RRM2: variants seen among roughly 807,000 people sequenced by gnomAD.
The protein encoded by RRM2 is ribonucleoside-diphosphate reductase subunit M2.
A neutral mutation model predicts 45.9 loss-of-function variants in RRM2; 6 were observed. The ratio of observed to expected loss-of-function variants is 0.13; its 90% CI spans 0.07 to 0.26. RRM2 has a LOEUF of 0.26. Ranked by LOEUF, RRM2 falls within the 10% of genes least tolerant of loss-of-function variation. RRM2 has a pLI of 1.00. For missense variants in RRM2, 343 were observed against 489.5 expected (o/e 0.70, Z 2.82); for synonymous variants, 177 against 173.0 (o/e 1.02, Z -0.18).
Position 10,169,751 on chromosome 2 carries a change from G to C in RRM2, n.482+27376G>C, listed in dbSNP as rs1420083201. The stretch of plus-strand genomic sequence containing the variant: ...GTTTGGAGAGCTGGCCTCCGCACTG[G>C]GCTTCCTGAGGACGGGAGCAGGAGC... On this transcript the variant is annotated intron_variant and non_coding_transcript_variant, in intron 3 of 3. Coordinates refer to the RRM2 transcript ENST00000381786. This position sits in a 1 kb window ranked among gnomAD's most constrained non-coding sequence, Gnocchi z 5.1. Among the ~76,000 whole-genome samples, 4 of 152,264 alleles carry C rather than the reference G, an allele frequency of 2.6e-5. No homozygotes were observed. In the East Asian group the frequency reaches 5.8e-4, roughly 22 times the overall value.
Position 10,205,980 on chromosome 2 carries a change from A to G in RRM2, n.483-4331A>G, listed in dbSNP as rs1451062735. Among the ~76,000 whole-genome samples, 1 of 152,140 alleles carries G rather than the reference A, an allele frequency of 6.6e-6. No individual in the cohort carries two copies. The highest frequency in any genetic ancestry group is 1.9e-4 in the East Asian group (1 of 5,146). On this transcript the variant is annotated intron_variant and non_coding_transcript_variant, in intron 3 of 3. Coordinates refer to the RRM2 transcript ENST00000381786. The surrounding 1 kb of genome is among the most constrained non-coding windows in gnomAD (Gnocchi z 4.8). ...AGTTCTGGGATTACAGGCATGAGCC[A>G]CTGCGCCTGGCCAAGAGGGTGTCTG...
chr2:10,148,320 G>C (rs958754962), intron 3 of RRM2, among the ~76,000 whole-genome samples: 1 of 151,850 alleles, frequency 6.6e-6, no homozygotes, highest in Non-Finnish European at 1.5e-5. Flanking sequence ...CTCACTGTCA[G>C]TTCTCTTGCT....
Position 10,129,827 on chromosome 2 carries a change from TTC to T in RRM2, c.*443_*444del, listed in dbSNP as rs1490540373. On this transcript the variant is annotated 3_prime_UTR_variant, in exon 10 of 10. Transcript: ENST00000304567. The surrounding 1 kb of genome is among the most constrained non-coding windows in gnomAD (Gnocchi z 4.8). ...GCGATAATAGCTTGATTTATTTGGT[TTC>T]TACACCAAATACATTCTCCTGACCA... is the stretch of plus-strand genomic sequence containing the variant. 1.3e-5 allele frequency: 2 copies of T among 156,146 alleles called. No individual in the cohort carries two copies. The highest frequency in any genetic ancestry group is 4.8e-5 in the African/African-American group (2 of 41,586). The allele number at this position is 156,146 out of a possible 1,614,324, so 9.7% of individuals were successfully genotyped here.
chr2:10,129,688 A>C lies in RRM2; in HGVS notation c.*302A>C. The C allele has an allele frequency of 3.4e-6, 1 of 296,080 alleles. No individual in the cohort carries two copies. The highest frequency in any genetic ancestry group is 6.2e-6 in the Non-Finnish European group (1 of 160,068). The allele number at this position is 296,080 out of a possible 1,614,324, so 18.3% of individuals were successfully genotyped here. ...CACAGCGGGATTAAACAGTCCTTTA[A>C]CCAGCACAGCCAGTTAAAAGATGCA... On this transcript the variant is annotated 3_prime_UTR_variant, in exon 10 of 10. Coordinates refer to ENST00000304567, the MANE Select transcript of RRM2 (RefSeq NM_001034.4). This position sits in a 1 kb window ranked among gnomAD's most constrained non-coding sequence, Gnocchi z 4.8.
chr2:10,206,317 A>G (rs546513625), intron 3 of RRM2, among the ~76,000 whole-genome samples: 42 of 152,242 alleles, frequency 2.8e-4, no homozygotes, highest in Non-Finnish European at 4.9e-4. Flanking sequence ...GTATTTATGC[A>G]CAAGAAATGA....
chr2:10,124,581 A>G, intron 4 of RRM2, 136 bp from the exon 5 acceptor site: 2 of 933,396 alleles, frequency 2.1e-6, no homozygotes, highest in Non-Finnish European at 3.2e-6. Flanking sequence ...ATATCAAAGA[A>G]TTGTGACAAA....
intron 3 of RRM2, among the ~76,000 whole-genome samples, chr2:10,143,148 C>G (rs1188597352): frequency 1.3e-5 from 2 of 152,376 alleles, no homozygotes; most frequent in East Asian, 3.9e-4. Context: ...GCCGGGATTA[C>G]AGGCGTGAGC....
intron 2 of RRM2, 54 bp from the exon 3 acceptor site, chr2:10,123,333 T>A: frequency 5.2e-6 from 8 of 1,543,558 alleles, no homozygotes; most frequent in Non-Finnish European, 7.0e-6. Flanking sequence ...CAGAAAAACG[T>A]TAGTTTCATA....
At chr2:10,151,315 G>T (rs112259149) in intron 3 of RRM2, among the ~76,000 whole-genome samples, 536 of 11,026 alleles carry the variant, frequency 0.049, 115 homozygotes, top group Middle Eastern at 0.12. Context: ...TTTTTTTTTT[G>T]TAGACAGAGT....
chr2:10,196,632 C>T (rs1007218326), intron 3 of RRM2, among the ~76,000 whole-genome samples: 7 of 151,024 alleles, frequency 4.6e-5, no homozygotes, highest in African/African-American at 9.8e-5. Context: ...GGCCGGGCTC[C>T]GGGGATGGAC....
At chr2:10,133,608 A>G (rs718215), downstream of RRM2, among the ~76,000 whole-genome samples, 114,006 of 152,042 alleles carry the variant, frequency 0.75, 44,048 homozygotes, top group African/African-American at 0.92. Context: ...GTCCCTGAGT[A>G]TAGAGGGGCT....
rs72786664 is a variant in RRM2, at chr2:10,127,339, G to A, written c.798+119G>A. The A allele has an allele frequency of 2.8e-3, 2,791 of 982,540 alleles. 6 individuals carry two copies. The highest frequency in any genetic ancestry group is 3.7e-3 in the Non-Finnish European group (2,446 of 668,228). The allele number at this position is 982,540 out of a possible 1,614,324, so 60.9% of individuals were successfully genotyped here. On this transcript the variant is annotated intron_variant, in intron 7 of 9. Coordinates refer to ENST00000304567, the MANE Select transcript of RRM2 (RefSeq NM_001034.4). This position sits in a 1 kb window ranked among gnomAD's most constrained non-coding sequence, Gnocchi z 4.1. ...GCATATATCCACATTTAATGTGTGA[G>A]TTCAACCATACACATACTTGACAAA...
intron 2 of RRM2, chr2:10,142,096 T>C: frequency 1.3e-6 from 2 of 1,586,672 alleles, no homozygotes; most frequent in Non-Finnish European, 1.7e-6. Flanking sequence ...GGAAAGCATG[T>C]TTCAGGCGGA....
intron 3 of RRM2, among the ~76,000 whole-genome samples, chr2:10,180,557 C>A (rs962000329): frequency 4.6e-5 from 7 of 152,174 alleles, no homozygotes; most frequent in African/African-American, 1.7e-4. Context: ...GTGGTTGGCC[C>A]CTTCTCCCCT....
chr2:10,177,702 C>CCTTCCTTT (rs1247308877), intron 3 of RRM2, among the ~76,000 whole-genome samples: 6 of 142,402 alleles, frequency 4.2e-5, no homozygotes, highest in African/African-American at 1.6e-4. Flanking sequence ...TTCCTTCCTT[C>CCTTCCTTT]CTTCCTCTCT....
At chr2:10,173,645 G>A (rs1663849156) in intron 3 of RRM2, among the ~76,000 whole-genome samples, 1 of 152,270 alleles carries the variant, frequency 6.6e-6, no homozygotes, top group South Asian at 2.1e-4. Context: ...AGGAGAGCGA[G>A]GAGAGAGGTG....
rs181005932 is a variant in RRM2, at chr2:10,147,807, C to T, written n.482+5432C>T. On this transcript the variant is annotated intron_variant and non_coding_transcript_variant, in intron 3 of 3. Coordinates refer to the RRM2 transcript ENST00000381786. ...AAATGTACTTATACCTCTATGCTAT[C>T]TTTTTCTTATTTTTGCCCCCTCCCC... Among the ~76,000 whole-genome samples the T allele has an allele frequency of 5.1e-3, 782 of 152,200 alleles. 10 individuals carry two copies. Among genetic ancestry groups the T allele is most frequent in the Middle Eastern group, 0.024 (7 of 294 alleles).
chr2:10,123,788 G>C lies in RRM2; in HGVS notation c.371G>C (p.Arg124Thr). The C allele has an allele frequency of 6.2e-7, 1 of 1,613,384 alleles. No individual in the cohort carries two copies. Among genetic ancestry groups the C allele is most frequent in the Non-Finnish European group, 8.5e-7 (1 of 1,179,288 alleles). The change falls in exon 4 of 10, where the codon AGA (arginine) becomes ACA (threonine). Residue 124 changes from arginine to threonine, a missense_variant. Transcript: ENST00000304567. ...QHWESLKPEE[R>T]YFISHVLAFF... Reference sequence around the variant, plus strand: ...TGGGAATCCCTGAAACCCGAGGAGAGATATTTTATATCCCATGTTCTGGCT... The same window carrying C: ...TGGGAATCCCTGAAACCCGAGGAGACATATTTTATATCCCATGTTCTGGCT...
intron 5 of RRM2, 164 bp from the exon 6 acceptor site, chr2:10,126,711 A>G (rs1662786262): frequency 9.3e-6 from 6 of 643,552 alleles, no homozygotes; most frequent in African/African-American, 7.2e-5. Context: ...GGAGGGAAAA[A>G]CTGACCAGTA....
Sources: gnomAD v4.1 joint callset for allele counts (sites outside exome capture counted in the v4.1 genomes callset) on GRCh38, gnomAD v4.1.1 for gene constraint, Gnocchi (gnomAD v3.1) non-coding constraint, MANE v1.5 for transcripts, NCBI Gene and HGNC (gene_info 2026-07-23, HGNC 2026-07-21) for gene names.